SGK1: variants seen among roughly 807,000 people sequenced by gnomAD.
SGK1 encodes serum/glucocorticoid regulated kinase 1, also known as serine/threonine-protein kinase Sgk1.
Under a neutral mutation model 64.2 loss-of-function variants are expected in SGK1, and 26 were observed. The ratio of observed to expected loss-of-function variants is 0.40; its 90% confidence interval spans 0.30 to 0.56. SGK1 has a LOEUF of 0.56. Among genes scored for constraint, SGK1 ranks in the 20% least tolerant of loss-of-function variants. SGK1 has a pLI of 0.38. For missense variants in SGK1, 519 were observed against 645.6 expected (o/e 0.80, Z 2.12); for synonymous variants, 265 against 239.7 (o/e 1.11, Z -0.98).
intron 3 of SGK1, among the ~76,000 whole-genome samples, chr6:134,202,386 G>A (rs1775700386): frequency 6.6e-6 from 1 of 152,194 alleles, no homozygotes; most frequent in Non-Finnish European, 1.5e-5. Flanking sequence ...GCTCACTCCT[G>A]TAATCCCAGC....
In SGK1 at chr6:134,173,613, GAAGACATCTAT is replaced by G. The variant is rs1168358317; in HGVS notation, c.514-58_514-48del. ...TTCTTTTAATACCATTGCTTCAAAG[GAAGACATCTAT>G]AACATAAACGATGTAGAAAATGTTA... is the stretch of plus-strand genomic sequence containing the variant. On this transcript the variant is annotated intron_variant, in intron 5 of 13. Coordinates refer to ENST00000367858, the MANE Select transcript of SGK1 (RefSeq NM_001143676.3). 7.8e-6 allele frequency: 10 copies of G among 1,283,158 alleles called. No individual in the cohort carries two copies. In the Admixed American group the frequency reaches 2.2e-4, roughly 28 times the overall value. The allele number at this position is 1,283,158 out of a possible 1,614,324, so 79.5% of individuals were successfully genotyped here. A position where few individuals can be genotyped will look rare whatever the true frequency, so the allele number is the denominator to read the frequency against.
chr6:134,304,260 C>T (rs1228576618), intron 1 of SGK1, among the ~76,000 whole-genome samples: 2 of 152,236 alleles, frequency 1.3e-5, no homozygotes, highest in Non-Finnish European at 2.9e-5. Context: ...TCCACAGAAT[C>T]ATGAGTAAAT....
At chr6:134,227,127 G>A (rs1263172270) in intron 2 of SGK1, among the ~76,000 whole-genome samples, 2 of 151,944 alleles carry the variant, frequency 1.3e-5, no homozygotes, top group Admixed American at 6.6e-5. Context: ...TGGCATGTAT[G>A]TCTTTATTTA....
intron 2 of SGK1, among the ~76,000 whole-genome samples, chr6:134,233,835 T>A (rs1173947208): frequency 1.3e-5 from 2 of 150,836 alleles, no homozygotes; most frequent in African/African-American, 4.9e-5. Context: ...AGAAATTTGC[T>A]GGAAAAACAC....
At chr6:134,172,423 T>C (rs1582682249) in intron 9 of SGK1, 107 bp from the exon 10 acceptor site, 6 of 1,099,812 alleles carry the variant, frequency 5.5e-6, no homozygotes, top group South Asian at 4.4e-5. Flanking sequence ...AGGTTCACTG[T>C]AGTTGTGTAG....
chr6:134,175,557 C>T (rs1443163181), intron 3 of SGK1: 1 of 1,550,620 alleles, frequency 6.4e-7, no homozygotes, highest in East Asian at 2.5e-5. Flanking sequence ...GTCCGCTCAG[C>T]AGGAAGGACT....
chr6:134,282,391 G>A (rs574610147), intron 1 of SGK1, among the ~76,000 whole-genome samples: 1 of 152,292 alleles, frequency 6.6e-6, no homozygotes, highest in East Asian at 1.9e-4. Context: ...GCTGGCTCAT[G>A]CCTGTAGTCC....
chr6:134,303,049 C>G (rs1206884280), intron 1 of SGK1, among the ~76,000 whole-genome samples: 1 of 152,052 alleles, frequency 6.6e-6, no homozygotes, highest in African/African-American at 2.4e-5. Flanking sequence ...GCCACCGTGC[C>G]CAGCCTGAGG....
chr6:134,175,030 T>A, intron 3 of SGK1: 1 of 808,044 alleles, frequency 1.2e-6, no homozygotes, highest in Non-Finnish European at 1.8e-6. Flanking sequence ...TCTGTCCCCA[T>A]TGAGAGGGCG....
intron 1 of SGK1, among the ~76,000 whole-genome samples, chr6:134,280,574 G>A (rs1777078702): frequency 6.6e-6 from 1 of 152,040 alleles, no homozygotes. Flanking sequence ...CACCTCGCCT[G>A]GCCAATTTAG....
At chr6:134,258,106 ATT>A (rs59102879) in intron 2 of SGK1, among the ~76,000 whole-genome samples, 5 of 144,400 alleles carry the variant, frequency 3.5e-5, no homozygotes, top group Admixed American at 7.0e-5. Flanking sequence ...CAAAATATAG[ATT>A]TTTTTTTTTT....
chr6:134,170,417 G>T lies in SGK1; in HGVS notation c.1432C>A (p.Arg478=). Reference sequence around the variant, plus strand: ...TCGGTAAACTCGGGGTCAAAGTGCCGTAGGTCGTTGGGCCCACTCTGTGAC... The same window carrying T: ...TCGGTAAACTCGGGGTCAAAGTGCCTTAGGTCGTTGGGCCCACTCTGTGAC... ...NPNVSGPNDL[R]HFDPEFTEEP... Residue 478 remains arginine, a synonymous_variant, in exon 14 of 14, where the codon CGG becomes AGG. Coordinates refer to ENST00000367858, the MANE Select transcript of SGK1 (RefSeq NM_001143676.3). 1 of 1,613,130 alleles carries T rather than the reference G, an allele frequency of 6.2e-7. No individual in the cohort carries two copies. Among genetic ancestry groups the T allele is most frequent in the Non-Finnish European group, 8.5e-7 (1 of 1,179,290 alleles).
chr6:134,170,895 G>T lies in SGK1; in HGVS notation c.1344C>A (p.Val448=). 6.2e-7 allele frequency: 1 copy of T among 1,611,914 alleles called. No homozygotes were observed. Among genetic ancestry groups the T allele is most frequent in the Non-Finnish European group, 8.5e-7 (1 of 1,178,076 alleles). ...CATCCCAGTTAATTAAGGAGAAGAA[G>T]ACATGACTCTTAATCTCCATCTGTT... ...KDDFMEIKSH[V]FFSLINWDDL... is the part of the protein sequence containing the mutation. The change falls in exon 13 of 14, where the codon GTC becomes GTA. Residue 448 remains valine (V), a synonymous_variant. Transcript: ENST00000367858.
chr6:134,191,583 C>A (rs1775510101), intron 3 of SGK1, among the ~76,000 whole-genome samples: 1 of 152,120 alleles, frequency 6.6e-6, no homozygotes, highest in Admixed American at 6.5e-5. Flanking sequence ...ACAGTTAAGT[C>A]CACCTATTAT....
chr6:134,225,843 T>C (rs1247269732), intron 2 of SGK1, among the ~76,000 whole-genome samples: 1 of 151,322 alleles, frequency 6.6e-6, no homozygotes, highest in African/African-American at 2.4e-5. Context: ...GAGGCTGAGG[T>C]GGGAGGATGG....
At chr6:134,250,067 C>G (rs1776584155) in intron 2 of SGK1, among the ~76,000 whole-genome samples, 1 of 152,110 alleles carries the variant, frequency 6.6e-6, no homozygotes, top group Non-Finnish European at 1.5e-5. Flanking sequence ...ACATAGAAAT[C>G]TAGATGAATC....
chr6:134,280,988 A>G (rs1777085526), intron 1 of SGK1, among the ~76,000 whole-genome samples: 1 of 152,140 alleles, frequency 6.6e-6, no homozygotes, highest in South Asian at 2.1e-4. Context: ...GAATCACTTA[A>G]ACCCGAAAGG....
chr6:134,206,383 A>ATATATT (rs1562250478), intron 3 of SGK1, among the ~76,000 whole-genome samples: 15 of 16,584 alleles, frequency 9.0e-4, no homozygotes, highest in Non-Finnish European at 1.2e-3. Context: ...ATATATATAT[A>ATATATT]TTTTTTTTTT....
chr6:134,240,750 TG>T (rs1169161537), intron 2 of SGK1, among the ~76,000 whole-genome samples: 2 of 152,214 alleles, frequency 1.3e-5, no homozygotes, highest in Non-Finnish European at 2.9e-5. Flanking sequence ...CCAGAATGGT[TG>T]TTTGTGAACA....
Sources: gnomAD v4.1 joint callset for allele counts (sites outside exome capture counted in the v4.1 genomes callset) on GRCh38, gnomAD v4.1.1 for gene constraint, MANE v1.5 for transcripts, NCBI Gene and HGNC (gene_info 2026-07-23, HGNC 2026-07-21) for gene names.